RBFOX1: variants seen among roughly 807,000 people sequenced by gnomAD.
RBFOX1 encodes RNA binding fox-1 homolog 1, also known as RNA binding protein fox-1 homolog 1.
RBFOX1 carries 8 observed loss-of-function variants against 57.7 expected under a neutral mutation model. That is an observed-to-expected ratio of 0.14 (90% CI 0.08 to 0.25). The LOEUF (loss-of-function observed/expected upper bound fraction) is 0.25. Among genes scored for constraint, RBFOX1 ranks in the 10% least tolerant of loss-of-function variants. The pLI is 1.00. For missense variants in RBFOX1, 611 were observed against 548.5 expected (o/e 1.11, Z -1.14); for synonymous variants, 326 against 222.4 (o/e 1.47, Z -4.15).
intron 14 of RBFOX1, among the ~76,000 whole-genome samples, chr16:7,684,609 G>GA (rs1421450219): frequency 1.5e-5 from 2 of 130,952 alleles, no homozygotes; most frequent in Non-Finnish European, 3.4e-5. Context: ...GGGTCTTGGG[G>GA]ACCTGGAATT....
chr16:7,240,266 C>T (rs992186341), intron 4 of RBFOX1, among the ~76,000 whole-genome samples: 7 of 151,948 alleles, frequency 4.6e-5, no homozygotes, highest in African/African-American at 1.2e-4. Flanking sequence ...TGCATCCTGC[C>T]GAATCTATAA....
At chr16:6,676,142 G>GCGCACA (rs1197461775) in intron 3 of RBFOX1, among the ~76,000 whole-genome samples, 38 of 145,968 alleles carry the variant, frequency 2.6e-4, no homozygotes, top group African/African-American at 8.2e-4. Flanking sequence ...ACACACACGC[G>GCGCACA]CACACACACA....
At chr16:6,361,628 T>TTAAAAAAAAAAA (rs1371587081) in intron 2 of RBFOX1, among the ~76,000 whole-genome samples, 3 of 127,930 alleles carry the variant, frequency 2.3e-5, no homozygotes, top group East Asian at 2.2e-4. Context: ...ACTCTGTCTC[T>TTAAAAAAAAAAA]AAAAAAAAAA....
intron 3 of RBFOX1, among the ~76,000 whole-genome samples, chr16:6,876,001 A>C (rs1031867761): frequency 2.0e-5 from 3 of 151,942 alleles, no homozygotes; most frequent in African/African-American, 7.3e-5. Context: ...TGTCTCAAAA[A>C]ATAATAATTC....
chr16:7,238,699 G>T (rs189063079), intron 4 of RBFOX1, among the ~76,000 whole-genome samples: 9 of 152,100 alleles, frequency 5.9e-5, no homozygotes, highest in Non-Finnish European at 1.3e-4. Flanking sequence ...AGGTAAACTT[G>T]TGTGTCATGG....
intron 1 of RBFOX1, among the ~76,000 whole-genome samples, chr16:6,085,534 G>A (rs570267254): frequency 6.6e-5 from 10 of 152,342 alleles, no homozygotes; most frequent in African/African-American, 2.4e-4. Flanking sequence ...GCCTCCCGGT[G>A]TTGGGATTAC....
At chr16:7,105,114 T>A (rs2063345809) in intron 4 of RBFOX1, among the ~76,000 whole-genome samples, 4 of 152,094 alleles carry the variant, frequency 2.6e-5, no homozygotes, top group Non-Finnish European at 5.9e-5. Flanking sequence ...AAAGCTTGGA[T>A]GTTTAAGCAA....
intron 3 of RBFOX1, among the ~76,000 whole-genome samples, chr16:6,697,139 G>A (rs551231498): frequency 6.6e-6 from 1 of 152,150 alleles, no homozygotes; most frequent in Admixed American, 6.6e-5. Context: ...GATATTCAGG[G>A]ATTGACTAGA....
chr16:5,565,313 A>G (rs1414846184), intron 2 of RBFOX1, among the ~76,000 whole-genome samples: 1 of 151,024 alleles, frequency 6.6e-6, no homozygotes, highest in Non-Finnish European at 1.5e-5. Flanking sequence ...ATGCATGTGC[A>G]CATACCACTA....
At chr16:5,683,899 A>G (rs191354045) in intron 3 of RBFOX1, among the ~76,000 whole-genome samples, 24 of 151,834 alleles carry the variant, frequency 1.6e-4, no homozygotes, top group Admixed American at 7.9e-4. Flanking sequence ...GTCTTCCCCT[A>G]AATCCGTCAG....
intron 4 of RBFOX1, among the ~76,000 whole-genome samples, chr16:7,286,117 C>T (rs984742839): frequency 1.1e-4 from 17 of 152,048 alleles, no homozygotes; most frequent in African/African-American, 3.9e-4. Context: ...AAATAAGGAA[C>T]GAATGAGTGA....
chr16:6,212,913 C>A (rs1567690617), intron 1 of RBFOX1, among the ~76,000 whole-genome samples: 1 of 152,132 alleles, frequency 6.6e-6, no homozygotes, highest in Admixed American at 6.5e-5. Flanking sequence ...AATTGAAGGG[C>A]CACCTACTTA....
At position 7,014,829 on chromosome 16, in the gene RBFOX1, C is replaced by G. The variant is rs573486813; in HGVS notation, c.-15-37228C>G. On this transcript the variant is annotated intron_variant, in intron 3 of 15. Coordinates refer to ENST00000550418, the MANE Select transcript of RBFOX1 (RefSeq NM_018723.4). ...AACCTCCGTCTCCAGGATTCAAGCA[C>G]TTCTCCTGCATTAGCCTCCTGAGTA... Among the ~76,000 whole-genome samples the G allele has an allele frequency of 1.1e-4, 17 of 152,180 alleles. No individual in the cohort carries two copies. The East Asian group carries it at 2.7e-3, about 24-fold the overall frequency.
chr16:5,801,884 A>G (rs2055069054), intron 3 of RBFOX1, among the ~76,000 whole-genome samples: 1 of 152,200 alleles, frequency 6.6e-6, no homozygotes, highest in Non-Finnish European at 1.5e-5. Flanking sequence ...TATGCAGGGC[A>G]GCTCTATATT....
intron 3 of RBFOX1, among the ~76,000 whole-genome samples, chr16:6,767,853 G>T (rs1231794087): frequency 1.3e-5 from 2 of 151,454 alleles, no homozygotes; most frequent in African/African-American, 2.4e-5. Context: ...GGTGGAGGTT[G>T]CAGTGAGCCG....
intron 4 of RBFOX1, among the ~76,000 whole-genome samples, chr16:7,502,006 C>G (rs1014968749): frequency 1.3e-5 from 2 of 152,168 alleles, no homozygotes; most frequent in African/African-American, 2.4e-5. Context: ...ATGCTCTTGC[C>G]CATTTGGACA....
At chr16:6,825,820 C>T (rs1025911530) in intron 3 of RBFOX1, among the ~76,000 whole-genome samples, 14 of 152,152 alleles carry the variant, frequency 9.2e-5, no homozygotes, top group Non-Finnish European at 1.2e-4. Context: ...CGATCCTGCA[C>T]AGGAACTTGC....
Position 6,567,441 on chromosome 16 carries a change from G to A in RBFOX1, c.-63-87162G>A, listed in dbSNP as rs142329292. Among the ~76,000 whole-genome samples, 524 of 152,246 alleles carry A rather than the reference G, an allele frequency of 3.4e-3. 5 individuals carry two copies. Among genetic ancestry groups the A allele is most frequent in the African/African-American group, 0.012 (488 of 41,552 alleles). On this transcript the variant is annotated intron_variant, in intron 2 of 15. Coordinates refer to ENST00000550418, the MANE Select transcript of RBFOX1 (RefSeq NM_018723.4). ...CTTGGCTGGCAGTTCTCATGATTCA[G>A]GACTCTTCTCAAATATCTCTCATGA...
intron 2 of RBFOX1, among the ~76,000 whole-genome samples, chr16:5,545,700 C>G (rs1028977539): frequency 9.9e-5 from 15 of 152,010 alleles, no homozygotes; most frequent in African/African-American, 3.4e-4. Context: ...AAGGAAATTA[C>G]TTTGATAAAA....
Sources: gnomAD v4.1 joint callset for allele counts (sites outside exome capture counted in the v4.1 genomes callset) on GRCh38, gnomAD v4.1.1 for gene constraint, MANE v1.5 for transcripts, NCBI Gene and HGNC (gene_info 2026-07-23, HGNC 2026-07-21) for gene names.